CPEB4: variants seen among roughly 807,000 people sequenced by gnomAD.
CPEB4 encodes the protein cytoplasmic polyadenylation element binding protein 4, also known as cytoplasmic polyadenylation element-binding protein 4.
In CPEB4, 12 loss-of-function variants were observed where a neutral mutation model predicts 72.5. That is an observed-to-expected ratio of 0.17 (90% CI 0.11 to 0.27). The LOEUF (loss-of-function observed/expected upper bound fraction) is 0.27, where lower values mean the gene tolerates loss of function less well. Ranked by LOEUF, CPEB4 falls within the 10% of genes least tolerant of loss-of-function variation. CPEB4 has a pLI of 1.00. For missense variants in CPEB4, 614 were observed against 908.5 expected (o/e 0.68, Z 4.17); for synonymous variants, 302 against 326.3 (o/e 0.93, Z 0.80).
intron 1 of CPEB4, among the ~76,000 whole-genome samples, chr5:173,898,448 T>C (rs1756104084): frequency 6.6e-6 from 1 of 152,238 alleles, no homozygotes; most frequent in South Asian, 2.1e-4. Context: ...TCATTAGCTA[T>C]GTGACCTAGG....
chr5:173,956,603 C>CT lies in CPEB4; in HGVS notation c.*482dup, dbSNP rs55771761. ...GGGAAGTGCTTTTGCCTTTTCCTTT[C>CT]TTTTTTTTTTTTTTTTCATCTTTTT... On this transcript the variant is annotated 3_prime_UTR_variant, in exon 10 of 10. Coordinates refer to ENST00000265085, the MANE Select transcript of CPEB4 (RefSeq NM_030627.4). 2.6e-3 allele frequency: 343 copies of CT among 133,046 alleles called. 2 individuals carry two copies. The highest frequency in any genetic ancestry group is 5.3e-3 in the African/African-American group (198 of 37,032). 8.2% of individuals were successfully genotyped at this position (133,046 alleles called of 1,614,324 possible).
chr5:173,915,531 G>T (rs1756837945), intron 2 of CPEB4, among the ~76,000 whole-genome samples: 1 of 152,116 alleles, frequency 6.6e-6, no homozygotes, highest in Non-Finnish European at 1.5e-5. Flanking sequence ...CTCTTCCCCA[G>T]AGACCGAATT....
At chr5:173,913,799 A>C (rs546030812) in intron 2 of CPEB4, among the ~76,000 whole-genome samples, 1 of 152,330 alleles carries the variant, frequency 6.6e-6, no homozygotes, top group South Asian at 2.1e-4. Context: ...CTGCAACGTG[A>C]TGGAATAGAA....
intron 3 of CPEB4, among the ~76,000 whole-genome samples, chr5:173,942,763 C>T (rs977716753): frequency 6.6e-6 from 1 of 152,104 alleles, no homozygotes; most frequent in Non-Finnish European, 1.5e-5. Flanking sequence ...CCTTGGGCAA[C>T]AATTACAGCA....
intron 2 of CPEB4, among the ~76,000 whole-genome samples, chr5:173,920,412 C>G (rs1385370360): frequency 3.3e-5 from 5 of 152,232 alleles, no homozygotes; most frequent in African/African-American, 1.2e-4. Context: ...TTTTAAAAAT[C>G]TAACTTCTGC....
In CPEB4 at chr5:173,905,021, AAATG is replaced by A. The variant is rs2113157331; in HGVS notation, c.1126-5501_1126-5498del. ...AATAATAATAATAATAATAATAAAA[AAATG>A]TAACTTAGAAGATTTGAGGATTAAT... is the stretch of plus-strand genomic sequence containing the variant. On this transcript the variant is annotated intron_variant, in intron 1 of 9. Coordinates refer to ENST00000265085, the MANE Select transcript of CPEB4 (RefSeq NM_030627.4). 3.6e-5 allele frequency among the ~76,000 whole-genome samples: 5 copies of A among 137,162 alleles called. No homozygotes were observed. The South Asian group carries it at 1.1e-3, about 31-fold the overall frequency. 90.0% of individuals were successfully genotyped at this position (137,162 alleles called of 152,430 possible). A position where few individuals can be genotyped will look rare whatever the true frequency, so the allele number is the denominator to read the frequency against.
In CPEB4 at chr5:173,949,949, C is replaced by G. The variant is rs1315461099; in HGVS notation, c.1547-11C>G. 11 of 1,574,200 alleles carry G rather than the reference C, an allele frequency of 7.0e-6. No individual in the cohort carries two copies. The highest frequency in any genetic ancestry group is 9.6e-6 in the Non-Finnish European group (11 of 1,147,886). ...GAAAACATGTAAGCCTTCTTTCCCC[C>G]TTTTTTCCAGGCTATGCATTCCTGC... is the stretch of plus-strand genomic sequence containing the variant. On this transcript the variant is annotated splice_polypyrimidine_tract_variant and intron_variant, in intron 6 of 9. Transcript: ENST00000265085.
At position 173,890,026 on chromosome 5, in the gene CPEB4, C is replaced by G; in HGVS notation, c.293C>G (p.Pro98Arg). The G allele has an allele frequency of 6.2e-7, 1 of 1,614,148 alleles. No individual in the cohort carries two copies. Among genetic ancestry groups the G allele is most frequent in the Non-Finnish European group, 8.5e-7 (1 of 1,180,012 alleles). ...CCCTTAGAAAAGCAGCAGCTTTCCC[C>G]AAGTCCAGGTCAGGAAGCTGGAATA... ...QDPLEKQQLS[P>R]SPGQEAGILP... The change falls in exon 1 of 10, where the codon CCA becomes CGA. Residue 98 changes from proline (P) to arginine (R), a missense_variant. Pro to Arg is a moderately radical substitution (Grantham distance 103, BLOSUM62 -2). This residue lies in a region of CPEB4 where 458 missense variants were observed against 548.6 expected (regional missense o/e 0.83). Transcript: ENST00000265085.
rs558172795 is a variant in CPEB4 at position 173,888,937 on chromosome 5, G to C, written c.-797G>C. On this transcript the variant is annotated 5_prime_UTR_variant, in exon 1 of 10. The change abolishes an upstream ATG in the 5' untranslated region. Coordinates refer to ENST00000265085, the MANE Select transcript of CPEB4 (RefSeq NM_030627.4). This position sits in a 1 kb window ranked among gnomAD's most constrained non-coding sequence, Gnocchi z 4.3. ...AACGGGTGTTTCCAACCCCTTTCAT[G>C]GGGGAGAGGAAGCCGCGGGGAGCCC... 3 of 165,494 alleles carry C rather than the reference G, an allele frequency of 1.8e-5. No individual in the cohort carries two copies. Among genetic ancestry groups the C allele is most frequent in the South Asian group, 4.1e-4 (2 of 4,932 alleles). 10.3% of individuals were successfully genotyped at this position (165,494 alleles called of 1,614,324 possible).
chr5:173,899,527 A>T (rs901938544), intron 1 of CPEB4, among the ~76,000 whole-genome samples: 7 of 152,160 alleles, frequency 4.6e-5, no homozygotes, highest in African/African-American at 7.2e-5. Context: ...TTTCTGTAAC[A>T]TAGAAAAATA....
intron 5 of CPEB4, among the ~76,000 whole-genome samples, chr5:173,948,982 T>A (rs1465129109): frequency 1.3e-5 from 2 of 152,140 alleles, no homozygotes; most frequent in Admixed American, 1.3e-4. Flanking sequence ...ATTTGGACCG[T>A]AGCAGTCATT....
chr5:173,915,772 G>A (rs376304517), intron 2 of CPEB4, among the ~76,000 whole-genome samples: 1 of 152,156 alleles, frequency 6.6e-6, no homozygotes, highest in African/African-American at 2.4e-5. Context: ...TATGAAATTG[G>A]TACTTGTTAC....
At chr5:173,939,208 A>C (rs1476144694) in intron 3 of CPEB4, among the ~76,000 whole-genome samples, 1 of 152,206 alleles carries the variant, frequency 6.6e-6, no homozygotes, top group Non-Finnish European at 1.5e-5. Flanking sequence ...TTAAATGTAC[A>C]CAATAAGGAT....
At chr5:173,946,215 A>G (rs1314865304) in intron 5 of CPEB4, among the ~76,000 whole-genome samples, 2 of 152,244 alleles carry the variant, frequency 1.3e-5, no homozygotes. Context: ...GTTGTCCACA[A>G]TAAAATGTCT....
At chr5:173,925,756 T>TG (rs1217649507) in intron 2 of CPEB4, among the ~76,000 whole-genome samples, 1 of 152,216 alleles carries the variant, frequency 6.6e-6, no homozygotes, top group Non-Finnish European at 1.5e-5. Flanking sequence ...ATATTACTTA[T>TG]GACGGTATAG....
chr5:173,901,279 A>G (rs78343869), intron 1 of CPEB4, among the ~76,000 whole-genome samples: 3,570 of 152,340 alleles, frequency 0.023, 66 homozygotes, highest in Middle Eastern at 0.065. Context: ...CTGTTGATCC[A>G]AGGTAATACA....
At chr5:173,893,235 G>C (rs1755881213) in intron 1 of CPEB4, 1 of 152,048 alleles carries the variant, frequency 6.6e-6, no homozygotes, top group African/African-American at 2.4e-5. Flanking sequence ...AGTTCTTTTT[G>C]CTTTTTAAAA....
chr5:173,939,385 C>A (rs1039629042), intron 3 of CPEB4, among the ~76,000 whole-genome samples: 1 of 152,052 alleles, frequency 6.6e-6, no homozygotes, highest in East Asian at 1.9e-4. Context: ...ATGCCACCTA[C>A]TAGGTGTTTC....
chr5:173,888,396 C>T lies in CPEB4; in HGVS notation c.-1338C>T. The stretch of plus-strand genomic sequence containing the variant: ...AGGACTCAGCCGCGGCTGCGGGACC[C>T]GGGCACCGGGAGGCGGTGGCGGCGG... On this transcript the variant is annotated 5_prime_UTR_variant, in exon 1 of 10. Transcript: ENST00000265085. This position sits in a 1 kb window ranked among gnomAD's most constrained non-coding sequence, Gnocchi z 4.3. 2.2e-6 allele frequency: 1 copy of T among 454,244 alleles called. No homozygotes were observed. The highest frequency in any genetic ancestry group is 5.5e-5 in the South Asian group (1 of 18,188). 28.1% of individuals were successfully genotyped at this position (454,244 alleles called of 1,614,324 possible).
Sources: allele counts gnomAD v4.1 joint callset (sites outside exome capture counted in the v4.1 genomes callset), GRCh38; gene constraint gnomAD v4.1.1; regional missense constraint gnomAD v4.1.1; non-coding constraint Gnocchi (gnomAD v3.1); transcripts MANE v1.5; gene names NCBI Gene and HGNC (gene_info 2026-07-23, HGNC 2026-07-21).